Variants in PTPRD observed in about 807,000 individuals in gnomAD.
PTPRD encodes receptor-type tyrosine-protein phosphatase delta.
PTPRD carries 34 observed loss-of-function variants against 214.5 expected under a neutral mutation model. The observed-to-expected ratio is 0.16, with a 90% CI of 0.12 to 0.21. The LOEUF (loss-of-function observed/expected upper bound fraction) is 0.21, where lower values mean the gene tolerates loss of function less well. Ranked by LOEUF, PTPRD falls within the 10% of genes least tolerant of loss-of-function variation. The pLI, the probability that PTPRD is intolerant of heterozygous loss-of-function variation, is 1.00. For synonymous variants in PTPRD, 1,128 were observed against 845.7 expected, an observed-to-expected ratio of 1.33 and a Z score of -5.79; for missense variants, 2,545 against 2,398.7, an observed-to-expected ratio of 1.06 and a Z score of -1.27.
At chr9:8,404,831 A>C (rs1040206950) in intron 35 of PTPRD, among the ~76,000 whole-genome samples, 171 bp from the exon 36 acceptor site, 2 of 152,204 alleles carry the variant, frequency 1.3e-5, no homozygotes, top group Non-Finnish European at 2.9e-5. Context: ...ATAACAAAAA[A>C]TGGTTAATCA....
At chr9:10,292,494 T>C (rs1027393719) in intron 3 of PTPRD, among the ~76,000 whole-genome samples, 6 of 151,984 alleles carry the variant, frequency 3.9e-5, no homozygotes, top group Non-Finnish European at 2.9e-5. Context: ...GATCATATGA[T>C]CTGTACAGCC....
At chr9:8,883,861 G>T (rs1478440198) in intron 11 of PTPRD, among the ~76,000 whole-genome samples, 1 of 152,168 alleles carries the variant, frequency 6.6e-6, no homozygotes, top group Non-Finnish European at 1.5e-5. Flanking sequence ...GCCTACCAAA[G>T]GCAGAGCAAA....
At chr9:9,475,420 C>T (rs2094953493) in intron 8 of PTPRD, among the ~76,000 whole-genome samples, 1 of 152,100 alleles carries the variant, frequency 6.6e-6, no homozygotes, top group African/African-American at 2.4e-5. Flanking sequence ...TAAAACATTG[C>T]ATTAGCTGTG....
chr9:9,700,488 T>C (rs987967967), intron 7 of PTPRD, among the ~76,000 whole-genome samples: 3 of 152,102 alleles, frequency 2.0e-5, no homozygotes, highest in Non-Finnish European at 4.4e-5. Context: ...CATACTATTC[T>C]AAAATCTGAC....
chr9:9,265,690 A>C (rs1939131945), intron 9 of PTPRD, among the ~76,000 whole-genome samples: 2 of 151,398 alleles, frequency 1.3e-5, no homozygotes, highest in Non-Finnish European at 3.0e-5. Flanking sequence ...TCAGATTAAC[A>C]AAAAAAAGCA....
chr9:9,934,039 A>G (rs2088021998), intron 5 of PTPRD, among the ~76,000 whole-genome samples: 1 of 149,650 alleles, frequency 6.7e-6, no homozygotes, highest in Non-Finnish European at 1.5e-5. Flanking sequence ...ACGAGAACAA[A>G]GACACAACAT....
At chr9:10,430,760 T>C (rs1353474132) in intron 2 of PTPRD, among the ~76,000 whole-genome samples, 2 of 151,950 alleles carry the variant, frequency 1.3e-5, no homozygotes, top group Non-Finnish European at 2.9e-5. Flanking sequence ...AAGATTGTTA[T>C]GTTTTAGTCA....
intron 11 of PTPRD, among the ~76,000 whole-genome samples, chr9:8,882,018 G>C (rs1439902673): frequency 6.6e-6 from 1 of 152,184 alleles, no homozygotes; most frequent in African/African-American, 2.4e-5. Context: ...AAAATAAGTG[G>C]AGAAGAGAAG....
chr9:8,655,228 T>G (rs571133113), intron 12 of PTPRD, among the ~76,000 whole-genome samples: 34 of 152,340 alleles, frequency 2.2e-4, no homozygotes, highest in Admixed American at 2.0e-3. Context: ...GTTTCACATG[T>G]GATACTTCTC....
intron 4 of PTPRD, among the ~76,000 whole-genome samples, chr9:9,947,356 A>ATATAT (rs1566616297): frequency 4.3e-5 from 2 of 46,536 alleles, no homozygotes; most frequent in African/African-American, 1.4e-4. Context: ...AATATATATT[A>ATATAT]TATATATTAT....
intron 10 of PTPRD, among the ~76,000 whole-genome samples, chr9:9,139,762 A>G (rs1569551833): frequency 1.3e-5 from 2 of 152,212 alleles, no homozygotes; most frequent in South Asian, 2.1e-4. Flanking sequence ...GACCACAGGT[A>G]ATTGAAACTG....
chr9:8,707,360 T>A (rs1197782609), intron 12 of PTPRD, among the ~76,000 whole-genome samples: 2 of 152,186 alleles, frequency 1.3e-5, no homozygotes, highest in Non-Finnish European at 2.9e-5. Context: ...CAAAAGCAAG[T>A]AATGGACCAA....
chr9:9,704,266 T>A (rs1455646470), intron 7 of PTPRD, among the ~76,000 whole-genome samples: 1 of 152,100 alleles, frequency 6.6e-6, no homozygotes, highest in Non-Finnish European at 1.5e-5. Context: ...TCTTTTTTTT[T>A]GTCACCAGCA....
intron 11 of PTPRD, among the ~76,000 whole-genome samples, chr9:8,812,415 C>T (rs10733549): frequency 0.49 from 74,308 of 151,934 alleles, 18,904 homozygotes; most frequent in Middle Eastern, 0.59. Flanking sequence ...TTCCATGTAT[C>T]TGCTAATTAA....
At chr9:9,139,372 GT>G (rs1235268228) in intron 10 of PTPRD, among the ~76,000 whole-genome samples, 2 of 152,136 alleles carry the variant, frequency 1.3e-5, no homozygotes, top group Non-Finnish European at 2.9e-5. Context: ...TATAGTCCCA[GT>G]TTTCAATAAC....
At chr9:8,458,506 T>C (rs1037519820) in intron 33 of PTPRD, among the ~76,000 whole-genome samples, 5 of 152,178 alleles carry the variant, frequency 3.3e-5, no homozygotes, top group African/African-American at 2.4e-5. Context: ...CCCTTGTTTT[T>C]TGACCTACTC....
chr9:9,340,843 A>T (rs2046509131), intron 9 of PTPRD, among the ~76,000 whole-genome samples: 1 of 152,192 alleles, frequency 6.6e-6, no homozygotes, highest in Admixed American at 6.5e-5. Context: ...GAGCTGTTAC[A>T]TTCCTGAAGA....
intron 8 of PTPRD, among the ~76,000 whole-genome samples, chr9:9,413,125 T>TTTTTTTTTTTTTTTTTAAG: frequency 7.4e-6 from 1 of 135,364 alleles, no homozygotes; most frequent in South Asian, 2.5e-4. Flanking sequence ...TTTTTTTTTT[T>TTTTTTTTTTTTTTTTTAAG]GAGACGGAGT....
intron 5 of PTPRD, among the ~76,000 whole-genome samples, chr9:9,781,042 G>A (rs892061413): frequency 1.3e-5 from 2 of 152,130 alleles, no homozygotes; most frequent in Non-Finnish European, 2.9e-5. Context: ...TGGAGACCGA[G>A]GAACAAATAG....
Sources: allele counts gnomAD v4.1 joint callset (sites outside exome capture counted in the v4.1 genomes callset), GRCh38; gene constraint gnomAD v4.1.1; transcripts MANE v1.5; gene names NCBI Gene and HGNC (gene_info 2026-07-23, HGNC 2026-07-21).